KCND2: variants seen among roughly 807,000 people sequenced by gnomAD.
KCND2 encodes the protein A-type voltage-gated potassium channel KCND2.
In KCND2, 16 loss-of-function variants were observed where a neutral mutation model predicts 54.4. That is an observed-to-expected ratio of 0.29 (90% CI 0.20 to 0.45). The LOEUF is 0.45. Ranked by LOEUF, KCND2 falls within the 20% of genes least tolerant of loss-of-function variation. The pLI is 1.00. For missense variants in KCND2, 486 were observed against 824.2 expected (o/e 0.59, Z 5.02); for synonymous variants, 317 against 310.7 (o/e 1.02, Z -0.21).
At chr7:120,514,788 C>T (rs960890522) in intron 1 of KCND2, among the ~76,000 whole-genome samples, 2 of 151,892 alleles carry the variant, frequency 1.3e-5, no homozygotes, top group Non-Finnish European at 2.9e-5. Context: ...AAGCATGCAA[C>T]CTAGATCCCT....
intron 1 of KCND2, among the ~76,000 whole-genome samples, chr7:120,547,345 C>G (rs1036097543): frequency 2.0e-5 from 3 of 151,906 alleles, no homozygotes; most frequent in Non-Finnish European, 4.4e-5. Context: ...CTAATGTTAA[C>G]TGAAGAGGTT....
At chr7:120,335,374 AAAG>A (rs1563013269) in intron 1 of KCND2, among the ~76,000 whole-genome samples, 1 of 150,296 alleles carries the variant, frequency 6.7e-6, no homozygotes, top group African/African-American at 2.4e-5. Context: ...AAAAAAAAAA[AAAG>A]AAGGATAGGA....
intron 1 of KCND2, among the ~76,000 whole-genome samples, chr7:120,431,608 A>G (rs991145978): frequency 4.6e-5 from 7 of 152,200 alleles, no homozygotes; most frequent in Non-Finnish European, 1.0e-4. Context: ...ATAGTTGTTC[A>G]GAGCCATTGG....
At chr7:120,508,101 A>T (rs1399552012) in intron 1 of KCND2, among the ~76,000 whole-genome samples, 2 of 151,804 alleles carry the variant, frequency 1.3e-5, no homozygotes, top group Non-Finnish European at 2.9e-5. Context: ...CATTTACAAG[A>T]TTTTAATTAG....
chr7:120,647,882 C>T (rs540449091), intron 1 of KCND2, among the ~76,000 whole-genome samples: 53 of 152,156 alleles, frequency 3.5e-4, no homozygotes, highest in South Asian at 2.1e-3. Context: ...CCCACATATA[C>T]GGTATATGCA....
chr7:120,278,050 A>G (rs1288316430), intron 1 of KCND2, among the ~76,000 whole-genome samples: 5 of 152,170 alleles, frequency 3.3e-5, no homozygotes, highest in Admixed American at 3.3e-4. Flanking sequence ...GAGCAGTCAT[A>G]CTTTTAAGAT....
chr7:120,646,807 T>C (rs1487684344), intron 1 of KCND2, among the ~76,000 whole-genome samples: 1 of 152,218 alleles, frequency 6.6e-6, no homozygotes, highest in Admixed American at 6.5e-5. Context: ...TTTAGAAAGA[T>C]AACAATTTAG....
intron 1 of KCND2, among the ~76,000 whole-genome samples, chr7:120,459,365 A>G (rs113774134): frequency 6.6e-5 from 10 of 152,126 alleles, no homozygotes; most frequent in Non-Finnish European, 1.5e-4. Context: ...CACTGCCTTT[A>G]GTCTTTACTG....
chr7:120,627,137 G>A (rs1270011538), intron 1 of KCND2, among the ~76,000 whole-genome samples: 1 of 152,174 alleles, frequency 6.6e-6, no homozygotes, highest in Non-Finnish European at 1.5e-5. Flanking sequence ...TGGAAATTAA[G>A]TTCACCATTT....
At chr7:120,505,174 T>C (rs981546834) in intron 1 of KCND2, among the ~76,000 whole-genome samples, 1 of 151,746 alleles carries the variant, frequency 6.6e-6, no homozygotes, top group Non-Finnish European at 1.5e-5. Context: ...ATTATTTTAT[T>C]TTCAAAACTC....
chr7:120,627,852 A>G (rs1793181953), intron 1 of KCND2, among the ~76,000 whole-genome samples: 1 of 151,950 alleles, frequency 6.6e-6, no homozygotes, highest in Non-Finnish European at 1.5e-5. Context: ...ATAATATTAA[A>G]ACCATCTATT....
At chr7:120,467,530 C>G (rs1264834356) in intron 1 of KCND2, among the ~76,000 whole-genome samples, 2 of 152,056 alleles carry the variant, frequency 1.3e-5, no homozygotes, top group Non-Finnish European at 2.9e-5. Context: ...AACCATCTGG[C>G]AAGTCTACAT....
At chr7:120,663,837 T>G (rs1038391590) in intron 1 of KCND2, among the ~76,000 whole-genome samples, 3 of 152,224 alleles carry the variant, frequency 2.0e-5, no homozygotes, top group African/African-American at 7.2e-5. Context: ...CTTTCCTATC[T>G]TTGAAGAAAC....
At chr7:120,391,108 C>T (rs575767182) in intron 1 of KCND2, among the ~76,000 whole-genome samples, 1 of 152,192 alleles carries the variant, frequency 6.6e-6, no homozygotes, top group South Asian at 2.1e-4. Flanking sequence ...TGATGTTCCC[C>T]TCCCTGTGTA....
chr7:120,510,359 T>C (rs558368125), intron 1 of KCND2, among the ~76,000 whole-genome samples: 1 of 152,228 alleles, frequency 6.6e-6, no homozygotes, highest in Admixed American at 6.6e-5. Flanking sequence ...TTACCAATTA[T>C]GAAGTAGTGG....
At chr7:120,648,482 G>A (rs981575102) in intron 1 of KCND2, among the ~76,000 whole-genome samples, 3 of 152,054 alleles carry the variant, frequency 2.0e-5, no homozygotes, top group Admixed American at 2.0e-4. Context: ...AAGAAGGTTA[G>A]AAAACAAGAG....
chr7:120,594,550 T>G (rs1584845476), intron 1 of KCND2, among the ~76,000 whole-genome samples: 1 of 152,136 alleles, frequency 6.6e-6, no homozygotes, highest in East Asian at 1.9e-4. Context: ...CCCAAAAGCC[T>G]CATCTATTTC....
At chr7:120,454,700 A>G (rs528320984) in intron 1 of KCND2, among the ~76,000 whole-genome samples, 14 of 151,916 alleles carry the variant, frequency 9.2e-5, no homozygotes, top group African/African-American at 3.1e-4. Context: ...AACTCATTCT[A>G]GGAATAAAAG....
intron 1 of KCND2, among the ~76,000 whole-genome samples, chr7:120,563,185 A>C (rs770620392): frequency 2.0e-5 from 3 of 152,210 alleles, no homozygotes; most frequent in Non-Finnish European, 2.9e-5. Context: ...TCACCATTAG[A>C]CAAATAAGTA....
Sources: gnomAD v4.1 joint callset for allele counts (sites outside exome capture counted in the v4.1 genomes callset) on GRCh38, gnomAD v4.1.1 for gene constraint, MANE v1.5 for transcripts, NCBI Gene and HGNC (gene_info 2026-07-23, HGNC 2026-07-21) for gene names.